The following RHOJ variants were observed in gnomAD, a reference collection of about 807,000 sequenced individuals.
RHOJ encodes rho-related GTP-binding protein RhoJ.
A neutral mutation model predicts 23.4 loss-of-function variants in RHOJ; 11 were observed. The observed-to-expected ratio is 0.47, with a 90% CI of 0.30 to 0.78. The LOEUF (loss-of-function observed/expected upper bound fraction) is 0.78. Among genes scored for constraint, RHOJ ranks in the 30% least tolerant of loss-of-function variants. The probability of loss-of-function intolerance (pLI) is 0.08; values close to 1 mark genes in which losing one functional copy is unlikely to be tolerated. For missense variants in RHOJ, 254 were observed against 273.4 expected, an observed-to-expected ratio of 0.93 and a Z score of 0.50; for synonymous variants, 102 against 102.7, an observed-to-expected ratio of 0.99 and a Z score of 0.04.
chr14:63,250,202 C>G (rs1343872975), intron 1 of RHOJ, among the ~76,000 whole-genome samples: 1 of 152,148 alleles, frequency 6.6e-6, no homozygotes, highest in Non-Finnish European at 1.5e-5. Flanking sequence ...GCTTACTCCC[C>G]TCATTCACTA....
intron 1 of RHOJ, among the ~76,000 whole-genome samples, chr14:63,222,327 T>A (rs1396985054): frequency 6.6e-6 from 1 of 152,188 alleles, no homozygotes; most frequent in Admixed American, 6.5e-5. Context: ...TACAATCCTT[T>A]GGGTATATAC....
intron 2 of RHOJ, among the ~76,000 whole-genome samples, chr14:63,280,542 G>A (rs376244007): frequency 4.6e-5 from 7 of 152,122 alleles, no homozygotes; most frequent in South Asian, 2.1e-4. Context: ...TCCTCTCACC[G>A]TAAAATATAT....
At chr14:63,270,860 C>A (rs1261918275) in intron 2 of RHOJ, among the ~76,000 whole-genome samples, 2 of 152,180 alleles carry the variant, frequency 1.3e-5, no homozygotes, top group Admixed American at 6.5e-5. Flanking sequence ...TCAGTTGTCC[C>A]CTCTTCTGCA....
chr14:63,266,004 G>A (rs1895359569), intron 1 of RHOJ, among the ~76,000 whole-genome samples: 1 of 152,158 alleles, frequency 6.6e-6, no homozygotes, highest in Admixed American at 6.5e-5. Context: ...GCTTCAGAGA[G>A]AACAAACGGT....
Position 63,290,974 on chromosome 14 carries a change from A to G in RHOJ, c.595A>G (p.Lys199Glu), listed in dbSNP as rs1259084682. 2 of 1,614,136 alleles carry G rather than the reference A, an allele frequency of 1.2e-6. No individual in the cohort carries two copies. Among genetic ancestry groups the G allele is most frequent in the Non-Finnish European group, 1.7e-6 (2 of 1,180,024 alleles). The change falls in exon 5 of 5, where the codon AAA becomes GAA. Residue 199 changes from lysine (K) to glutamate (E), a missense_variant. Coordinates refer to ENST00000316754, the MANE Select transcript of RHOJ (RefSeq NM_020663.5). ...EAILTIFHPK[K>E]KKKRCSEGHS... ...AATCCTCACCATTTTCCACCCCAAG[A>G]AAAAGAAGAAACGCTGTTCTGAGGG...
chr14:63,217,916 G>A (rs544535245), intron 1 of RHOJ, among the ~76,000 whole-genome samples: 2 of 152,298 alleles, frequency 1.3e-5, no homozygotes, highest in South Asian at 2.1e-4. Context: ...ACGATTACTT[G>A]CAGGCCTAAC....
chr14:63,284,667 A>G (rs1882022919), intron 4 of RHOJ, among the ~76,000 whole-genome samples: 1 of 152,212 alleles, frequency 6.6e-6, no homozygotes, highest in Non-Finnish European at 1.5e-5. Flanking sequence ...TGCTCTCATT[A>G]AGATACCTAA....
At position 63,216,682 on chromosome 14, in the gene RHOJ, AATAAGAGCCTT is replaced by A. The variant is rs751505783; in HGVS notation, c.178+11637_178+11647del. On this transcript the variant is annotated intron_variant, in intron 1 of 4. Transcript: ENST00000316754. ...ACATTTGCAATAATTCAAGCTGGTA[AATAAGAGCCTT>A]AAGAGTTTTCCATAGTAAACACACT... is the stretch of plus-strand genomic sequence containing the variant. 1.1e-3 allele frequency among the ~76,000 whole-genome samples: 169 copies of A among 152,340 alleles called. 2 individuals are homozygous for A. The highest frequency in any genetic ancestry group is 1.8e-3 in the Admixed American group (27 of 15,294).
chr14:63,287,689 A>G (rs1486175567), intron 4 of RHOJ, among the ~76,000 whole-genome samples: 2 of 151,960 alleles, frequency 1.3e-5, no homozygotes, highest in Non-Finnish European at 1.5e-5. Context: ...TAGCTATTAT[A>G]AAACAATAAG....
At chr14:63,241,064 A>G (rs1894874591) in intron 1 of RHOJ, among the ~76,000 whole-genome samples, 2 of 152,262 alleles carry the variant, frequency 1.3e-5, no homozygotes, top group South Asian at 4.1e-4. Flanking sequence ...ACCAGATAAC[A>G]AAGACATCCA....
chr14:63,223,042 CAAG>C (rs1036690952), intron 1 of RHOJ, among the ~76,000 whole-genome samples: 22 of 152,316 alleles, frequency 1.4e-4, no homozygotes, highest in South Asian at 1.2e-3. Flanking sequence ...TGACAAGGGA[CAAG>C]AAGGAGTCAG....
intron 2 of RHOJ, among the ~76,000 whole-genome samples, chr14:63,274,248 C>T (rs79983572): frequency 0.014 from 2,186 of 152,272 alleles, 55 homozygotes; most frequent in African/African-American, 0.049. Flanking sequence ...GAAAGTTTGC[C>T]TAAAACCTCA....
At chr14:63,235,081 T>G (rs1355939987) in intron 1 of RHOJ, among the ~76,000 whole-genome samples, 1 of 152,144 alleles carries the variant, frequency 6.6e-6, no homozygotes, top group Non-Finnish European at 1.5e-5. Flanking sequence ...GGTGACTATC[T>G]CTTTACTAAT....
At chr14:63,237,901 G>A (rs1894817445) in intron 1 of RHOJ, among the ~76,000 whole-genome samples, 1 of 152,148 alleles carries the variant, frequency 6.6e-6, no homozygotes, top group South Asian at 2.1e-4. Flanking sequence ...GTACAACTTA[G>A]GTGTGAGATA....
At chr14:63,222,877 GT>G (rs1894524403) in intron 1 of RHOJ, among the ~76,000 whole-genome samples, 1 of 152,178 alleles carries the variant, frequency 6.6e-6, no homozygotes, top group Non-Finnish European at 1.5e-5. Flanking sequence ...TGCTTTTGGT[GT>G]TTTAGACATG....
At chr14:63,266,182 G>T (rs1895363235) in intron 1 of RHOJ, among the ~76,000 whole-genome samples, 1 of 152,172 alleles carries the variant, frequency 6.6e-6, no homozygotes, top group Non-Finnish European at 1.5e-5. Flanking sequence ...AAATACTTTG[G>T]TTTCTTTCAA....
intron 1 of RHOJ, among the ~76,000 whole-genome samples, chr14:63,215,137 C>A (rs1244808111): frequency 6.6e-6 from 1 of 152,144 alleles, no homozygotes; most frequent in Non-Finnish European, 1.5e-5. Flanking sequence ...TTTGACCTAA[C>A]ATTTGGGGAA....
chr14:63,207,599 A>G (rs1894142159), intron 1 of RHOJ, among the ~76,000 whole-genome samples: 1 of 152,218 alleles, frequency 6.6e-6, no homozygotes, highest in South Asian at 2.1e-4. Flanking sequence ...TAGAGAGCCT[A>G]TCCATTGAAG....
intron 1 of RHOJ, 105 bp downstream of exon 1, chr14:63,205,152 G>A: frequency 8.1e-7 from 1 of 1,230,070 alleles, no homozygotes; most frequent in Non-Finnish European, 1.1e-6. Context: ...ATTGGGTGCG[G>A]GCCTGGCAGT....
Sources: gnomAD v4.1 joint callset for allele counts (sites outside exome capture counted in the v4.1 genomes callset) on GRCh38, gnomAD v4.1.1 for gene constraint, MANE v1.5 for transcripts, NCBI Gene and HGNC (gene_info 2026-07-23, HGNC 2026-07-21) for gene names.